Variants in MECR observed in about 807,000 individuals in gnomAD.
The protein encoded by MECR is mitochondrial trans-2-enoyl-CoA reductase.
In MECR, 37 loss-of-function variants were observed where a neutral mutation model predicts 49.1. The observed-to-expected ratio is 0.75, with a 90% CI of 0.58 to 0.99. MECR has a LOEUF of 0.99. Among genes scored for constraint, MECR ranks in the 50% least tolerant of loss-of-function variants. The pLI is 0.00. For synonymous variants in MECR, 198 were observed against 191.1 expected, an observed-to-expected ratio of 1.04 and a Z score of -0.30; for missense variants, 470 against 479.6, an observed-to-expected ratio of 0.98 and a Z score of 0.19.
At chr1:29,226,196 G>C (rs755305342) in intron 1 of MECR, among the ~76,000 whole-genome samples, 1 of 101,230 alleles carries the variant, frequency 9.9e-6, no homozygotes, top group African/African-American at 3.7e-5. Context: ...AAAAAAAAAA[G>C]ACAGAACGGG....
chr1:29,182,763 C>T, the MECR span, among the ~76,000 whole-genome samples: 1 of 152,218 alleles, frequency 6.6e-6, no homozygotes, highest in African/African-American at 2.4e-5. Context: ...AGGCAGGTCT[C>T]AAACTCCAGA....
intron 3 of MECR, among the ~76,000 whole-genome samples, chr1:29,207,278 C>A (rs1441137765): frequency 6.6e-6 from 1 of 152,082 alleles, no homozygotes; most frequent in East Asian, 1.9e-4. Flanking sequence ...CACTACCATA[C>A]ATGGCTAATT....
intron 3 of MECR, among the ~76,000 whole-genome samples, chr1:29,207,403 A>G (rs1676886709): frequency 1.3e-5 from 2 of 152,078 alleles, no homozygotes; most frequent in South Asian, 4.1e-4. Flanking sequence ...TACACACATG[A>G]GCCACTGTGC....
Position 29,216,578 on chromosome 1 carries a change from C to A in MECR, c.274+10G>T, listed in dbSNP as rs1212647657. ...AGCCAATTAACATAAGCCACAGAAA[C>A]CAAGGTTACCTTGGATCATATTTAT... On this transcript the variant is annotated intron_variant, in intron 2 of 9. Transcript: ENST00000263702. The A allele has an allele frequency of 1.2e-6, 2 of 1,613,728 alleles. No homozygotes were observed. Among genetic ancestry groups the A allele is most frequent in the Non-Finnish European group, 1.7e-6 (2 of 1,179,826 alleles).
chr1:29,217,500 C>T (rs1679780699), intron 1 of MECR, among the ~76,000 whole-genome samples: 1 of 152,092 alleles, frequency 6.6e-6, no homozygotes, highest in Admixed American at 6.5e-5. Context: ...CAGGTGTGAG[C>T]CACTGTGCCC....
chr1:29,176,625 G>A, the MECR span, among the ~76,000 whole-genome samples: 5 of 152,016 alleles, frequency 3.3e-5, no homozygotes, highest in African/African-American at 1.2e-4. Flanking sequence ...CTGTGTAGGT[G>A]CTGGGGTTGG....
chr1:29,207,965 A>G (rs1054072056), intron 3 of MECR, among the ~76,000 whole-genome samples: 2 of 151,712 alleles, frequency 1.3e-5, no homozygotes, highest in Non-Finnish European at 2.9e-5. Flanking sequence ...CACAGTCCTC[A>G]TTCTTCTCAT....
chr1:29,186,892 T>G, the MECR span, among the ~76,000 whole-genome samples: 7 of 152,356 alleles, frequency 4.6e-5, no homozygotes, highest in African/African-American at 1.7e-4. Context: ...GGCTGCTGCT[T>G]CTGTAAAGTG....
At chr1:29,198,550 G>C (rs1353592459) in intron 7 of MECR, among the ~76,000 whole-genome samples, 1 of 152,210 alleles carries the variant, frequency 6.6e-6, no homozygotes, top group Non-Finnish European at 1.5e-5. Context: ...CAAATGTGGG[G>C]TCAAGCCTGG....
At chr1:29,196,804 G>C (rs1247673601) in intron 7 of MECR, among the ~76,000 whole-genome samples, 1 of 152,022 alleles carries the variant, frequency 6.6e-6, no homozygotes, top group Non-Finnish European at 1.5e-5. Context: ...AGGAGTTTGA[G>C]ACCAGCCTGG....
the MECR span, among the ~76,000 whole-genome samples, chr1:29,183,883 T>TC: frequency 6.8e-6 from 1 of 147,792 alleles, no homozygotes; most frequent in East Asian, 2.0e-4. Flanking sequence ...TATTCTACTT[T>TC]TTTTTTTTTT....
chr1:29,223,292 A>G (rs1347621010), intron 1 of MECR: 8 of 985,340 alleles, frequency 8.1e-6, no homozygotes, highest in Non-Finnish European at 9.6e-6. Context: ...AAGGGAGACA[A>G]AAGCAGGCAG....
intron 1 of MECR, among the ~76,000 whole-genome samples, chr1:29,226,676 G>A (rs1574526147): frequency 6.6e-6 from 1 of 152,064 alleles, no homozygotes; most frequent in Admixed American, 6.6e-5. Flanking sequence ...TAAAGAAGGG[G>A]CATCCTAGCT....
chr1:29,194,856 C>T (rs890292272), intron 9 of MECR, among the ~76,000 whole-genome samples: 2 of 152,182 alleles, frequency 1.3e-5, no homozygotes, highest in African/African-American at 4.8e-5. Context: ...TGCCTCACGC[C>T]TGTAATCCCA....
intron 3 of MECR, among the ~76,000 whole-genome samples, chr1:29,208,659 C>T (rs990285053): frequency 6.6e-6 from 1 of 152,122 alleles, no homozygotes; most frequent in Non-Finnish European, 1.5e-5. Context: ...TGCCCAGAGC[C>T]CCCTGGCTTA....
chr1:29,189,460 G>A (rs1305120113), downstream of MECR, among the ~76,000 whole-genome samples: 3 of 152,042 alleles, frequency 2.0e-5, no homozygotes, highest in African/African-American at 4.8e-5. Flanking sequence ...TGATCTGCCC[G>A]CCTCAGCCTC....
intron 1 of MECR, among the ~76,000 whole-genome samples, chr1:29,226,952 C>CTTTTTTT (rs890320572): frequency 1.0e-5 from 1 of 99,722 alleles, no homozygotes; most frequent in Non-Finnish European, 2.0e-5. Context: ...TGGGAACTAT[C>CTTTTTTT]TTTTTTTTTT....
At chr1:29,200,360 C>G in intron 7 of MECR, 156 bp downstream of exon 7, 2 of 635,608 alleles carry the variant, frequency 3.1e-6, no homozygotes, top group South Asian at 5.7e-5. Context: ...AACCAGTGCC[C>G]AAATAGCTGG....
intron 6 of MECR, 152 bp from the exon 7 acceptor site, chr1:29,200,741 T>C: frequency 3.2e-6 from 2 of 625,516 alleles, no homozygotes; most frequent in Middle Eastern, 2.6e-4. Context: ...TGTGTGTTTA[T>C]GCCTTTGAAC....
Sources: gnomAD v4.1 joint callset for allele counts (sites outside exome capture counted in the v4.1 genomes callset) on GRCh38, gnomAD v4.1.1 for gene constraint, MANE v1.5 for transcripts, NCBI Gene and HGNC (gene_info 2026-07-23, HGNC 2026-07-21) for gene names.